The following PBRM1 variants were observed in gnomAD, a reference collection of about 807,000 sequenced individuals.
PBRM1 encodes polybromo 1, also known as protein polybromo-1.
PBRM1 carries 27 observed loss-of-function variants against 194.5 expected under a neutral mutation model. The observed-to-expected ratio is 0.14, with a 90% CI of 0.10 to 0.19. The LOEUF (loss-of-function observed/expected upper bound fraction) is 0.19, where lower values mean the gene tolerates loss of function less well. Ranked by LOEUF, PBRM1 falls within the 10% of genes least tolerant of loss-of-function variation. The pLI, the probability that PBRM1 is intolerant of heterozygous loss-of-function variation, is 1.00. For missense variants in PBRM1, 1,466 were observed against 2,077.2 expected, an observed-to-expected ratio of 0.71 and a Z score of 5.72; for synonymous variants, 655 against 693.2, an observed-to-expected ratio of 0.94 and a Z score of 0.87.
chr3:52,685,847 C>T (rs1185506241), upstream of PBRM1: 9 of 494,954 alleles, frequency 1.8e-5, no homozygotes, highest in Non-Finnish European at 2.9e-5. Context: ...CCGGCCGCGG[C>T]CGCTGCCGTC....
rs2336142 is a variant in PBRM1, at chr3:52,554,639, G to A, written c.4609+85C>T. 0.088 allele frequency: 106,991 copies of A among 1,220,390 alleles called. 5,197 individuals carry two copies. The highest frequency in any genetic ancestry group is 0.11 in the Middle Eastern group (530 of 4,846). 75.6% of individuals were successfully genotyped at this position (1,220,390 alleles called of 1,614,324 possible). ...GGAAGGCCTGGCCACAATGGGCCAC[G>A]GGTGCCTCCTGGAACAACTGGTTGA... On this transcript the variant is annotated intron_variant, in intron 27 of 29. Transcript: ENST00000296302.
At chr3:52,576,606 A>G in exon 22 of PBRM1, 1 of 1,610,256 alleles carries the variant, frequency 6.2e-7, no homozygotes, top group Non-Finnish European at 8.5e-7. Context: ...TTTGTAGAAC[A>G]TTTTTGTGGG....
intron 27 of PBRM1, among the ~76,000 whole-genome samples, chr3:52,552,533 G>C (rs2081233448): frequency 6.6e-6 from 1 of 152,132 alleles, no homozygotes; most frequent in African/African-American, 2.4e-5. Flanking sequence ...TCCCACCTCA[G>C]CCTCACAAAG....
chr3:52,666,638 T>C (rs1243378392), intron 3 of PBRM1, among the ~76,000 whole-genome samples: 3 of 151,984 alleles, frequency 2.0e-5, no homozygotes, highest in African/African-American at 7.2e-5. Context: ...ATGCCTGTAA[T>C]CCCAGCACTT....
intron 29 of PBRM1, among the ~76,000 whole-genome samples, chr3:52,549,983 C>T (rs980405676): frequency 4.9e-4 from 74 of 150,720 alleles, no homozygotes; most frequent in African/African-American, 1.8e-3. Flanking sequence ...TTTGAGAGGC[C>T]GAGGCAGGTG....
At chr3:52,655,663 A>C (rs1000607044) in intron 5 of PBRM1, among the ~76,000 whole-genome samples, 2 of 152,070 alleles carry the variant, frequency 1.3e-5, no homozygotes, top group African/African-American at 4.8e-5. Context: ...CCTTTTCTTA[A>C]AGTTTTAAGT....
intron 16 of PBRM1, 117 bp from the exon 19 acceptor site, chr3:52,603,849 G>A: frequency 2.2e-6 from 2 of 891,220 alleles, no homozygotes; most frequent in African/African-American, 3.4e-5. Flanking sequence ...TTCTGTACAG[G>A]TCTATGAAGA....
rs182906024 is a variant in PBRM1 at position 52,652,819 on chromosome 3, G to A, written c.646-1009C>T. The stretch of plus-strand genomic sequence containing the variant: ...TCAAGACCAACCTGGCCAACATAGC[G>A]AAACCCTGTCTCCATTAAAAATACA... On this transcript the variant is annotated intron_variant, in intron 5 of 29. Transcript: ENST00000296302. 3.1e-3 allele frequency among the ~76,000 whole-genome samples: 469 copies of A among 152,022 alleles called. 2 individuals are homozygous for A. Among genetic ancestry groups the A allele is most frequent in the Middle Eastern group, 6.8e-3 (2 of 294 alleles).
rs1464881177 is a variant in PBRM1, at chr3:52,651,621, A to AT, written c.714+120dup. The AT allele has an allele frequency of 1.4e-4, 66 of 471,814 alleles. 1 individual carries two copies. Among genetic ancestry groups the AT allele is most frequent in the South Asian group, 4.6e-4 (7 of 15,142 alleles). The allele number at this position is 471,814 out of a possible 1,614,324, so 29.2% of individuals were successfully genotyped here. On this transcript the variant is annotated intron_variant, in intron 6 of 29. Coordinates refer to ENST00000296302, the Ensembl canonical transcript of PBRM1. ...AGTAACACTATTTTAATTTATTTAC[A>AT]TGATTTGCTAATAACCCCTTACAGA...
In PBRM1 at chr3:52,589,063, A is replaced by T; in HGVS notation, c.2965+7T>A. The T allele has an allele frequency of 1.2e-6, 2 of 1,610,232 alleles. No homozygotes were observed. The highest frequency in any genetic ancestry group is 1.7e-6 in the Non-Finnish European group (2 of 1,176,924). On this transcript the variant is annotated splice_region_variant and intron_variant, in intron 18 of 29. Transcript: ENST00000296302. ...CTAAACTGTCCTTTGATTTAAAACAAACTTACCAGCTGAATCCTCCCACAG... is the reference window on the plus strand; with the variant it reads ...CTAAACTGTCCTTTGATTTAAAACATACTTACCAGCTGAATCCTCCCACAG...
chr3:52,587,590 T>TA (rs2092569587), intron 18 of PBRM1, 80 bp from the exon 21 acceptor site: 14 of 971,870 alleles, frequency 1.4e-5, no homozygotes, highest in Non-Finnish European at 1.9e-5. Flanking sequence ...TTTTTTTTTT[T>TA]AAAGAGACTG....
intron 27 of PBRM1, chr3:52,552,014 A>C (rs1298614654): frequency 1.3e-5 from 2 of 152,224 alleles, no homozygotes; most frequent in Non-Finnish European, 2.9e-5. Context: ...GAAAATAACA[A>C]GTAAAAAAGC....
In PBRM1 at chr3:52,569,814, T is replaced by C. The variant is rs74990888; in HGVS notation, c.3692-5581A>G. ...TTTATTTATATTCAATCATCTCACT[T>C]CTCTTACTGTTTGCCATGATTTCTT... On this transcript the variant is annotated intron_variant, in intron 22 of 29. Coordinates refer to ENST00000296302, the Ensembl canonical transcript of PBRM1. Among the ~76,000 whole-genome samples the C allele has an allele frequency of 3.8e-4, 58 of 152,326 alleles. No individual in the cohort carries two copies. The East Asian group carries it at 0.01, about 27-fold the overall frequency.
chr3:52,606,183 T>C (rs2094341273), intron 16 of PBRM1, among the ~76,000 whole-genome samples: 2 of 151,908 alleles, frequency 1.3e-5, no homozygotes, highest in African/African-American at 2.4e-5. Context: ...AATTTTATTT[T>C]AAGTAGAGCT....
intron 29 of PBRM1, 71 bp from the exon 32 acceptor site, chr3:52,548,306 C>T (rs2079973563): frequency 1.8e-6 from 2 of 1,106,362 alleles, no homozygotes; most frequent in Admixed American, 5.7e-5. Context: ...GTTCTAAGGT[C>T]TGACGAACTT....
chr3:52,569,561 A>G (rs1422183087), intron 22 of PBRM1, among the ~76,000 whole-genome samples: 2 of 152,162 alleles, frequency 1.3e-5, no homozygotes, highest in Non-Finnish European at 2.9e-5. Flanking sequence ...CCTCACAAGC[A>G]AATTCCCACT....
chr3:52,575,657 C>A (rs2089338742), intron 22 of PBRM1, among the ~76,000 whole-genome samples: 1 of 148,420 alleles, frequency 6.7e-6, no homozygotes, highest in South Asian at 2.1e-4. Context: ...AGACATGTGC[C>A]ACCATGCCCA....
chr3:52,595,892 G>A (rs2093489351), intron 17 of PBRM1, among the ~76,000 whole-genome samples: 1 of 152,132 alleles, frequency 6.6e-6, no homozygotes, highest in Non-Finnish European at 1.5e-5. Flanking sequence ...GTTTATTGAA[G>A]AGACTGTCCT....
At chr3:52,658,244 T>G in exon 5 of PBRM1, 1 of 1,612,946 alleles carries the variant, frequency 6.2e-7, no homozygotes, top group African/African-American at 1.3e-5. Flanking sequence ...TGAGACGTCC[T>G]GATGGATTTG....
Sources: allele counts gnomAD v4.1 joint callset (sites outside exome capture counted in the v4.1 genomes callset), GRCh38; gene constraint gnomAD v4.1.1; transcripts MANE v1.5; gene names NCBI Gene and HGNC (gene_info 2026-07-23, HGNC 2026-07-21).